Variants in PRELID2 observed in about 807,000 individuals in gnomAD.
PRELID2 encodes the protein PRELI domain containing 2, also known as PRELI domain-containing protein 2.
A neutral mutation model predicts 28.4 loss-of-function variants in PRELID2; 25 were observed. That is an observed-to-expected ratio of 0.88 (90% CI 0.64 to 1.23). PRELID2 has a LOEUF of 1.23. Among genes scored for constraint, PRELID2 ranks in the 50% most tolerant of loss-of-function variants. The pLI is 0.00. For synonymous variants in PRELID2, 76 were observed against 71.6 expected (o/e 1.06, Z -0.31); for missense variants, 201 against 214.4 (o/e 0.94, Z 0.39).
At chr5:145,686,848 ATT>A (rs1755047386) in intron 1 of PRELID2, among the ~76,000 whole-genome samples, 1 of 152,098 alleles carries the variant, frequency 6.6e-6, no homozygotes, top group South Asian at 2.1e-4. Context: ...CAAATAAAAA[ATT>A]TTTTCTTTAA....
the PRELID2 span, among the ~76,000 whole-genome samples, chr5:145,328,038 G>A: frequency 0.026 from 3,882 of 152,060 alleles, 159 homozygotes; most frequent in African/African-American, 0.088. Flanking sequence ...TGTGGTGTTT[G>A]GTTTTCTGTT....
chr5:145,475,500 A>T (rs942292908), intron 1 of PRELID2, among the ~76,000 whole-genome samples: 4 of 152,202 alleles, frequency 2.6e-5, no homozygotes, highest in African/African-American at 9.6e-5. Flanking sequence ...GCAAGATCTC[A>T]TTCTCAAACG....
intron 1 of PRELID2, among the ~76,000 whole-genome samples, chr5:145,595,770 G>T (rs377387381): frequency 2.0e-5 from 3 of 152,200 alleles, no homozygotes; most frequent in East Asian, 1.9e-4. Context: ...TGAATAAGTT[G>T]TTCAAGTACC....
chr5:145,414,410 T>C, the PRELID2 span, among the ~76,000 whole-genome samples: 3 of 152,228 alleles, frequency 2.0e-5, no homozygotes, highest in African/African-American at 7.2e-5. Flanking sequence ...ATCTGTCCCA[T>C]TGTCCAGCAT....
chr5:145,702,006 A>G (rs1755418635), intron 1 of PRELID2, among the ~76,000 whole-genome samples: 2 of 152,088 alleles, frequency 1.3e-5, no homozygotes, highest in Non-Finnish European at 2.9e-5. Flanking sequence ...AGCTGAGATC[A>G]TGCCATTGCA....
intron 1 of PRELID2, among the ~76,000 whole-genome samples, chr5:145,584,493 A>T (rs1753134899): frequency 6.6e-6 from 1 of 152,212 alleles, no homozygotes. Context: ...CAGAGTGAAC[A>T]GACAACCTAC....
intron 1 of PRELID2, among the ~76,000 whole-genome samples, chr5:145,543,267 A>C (rs1044649059): frequency 6.6e-6 from 1 of 152,162 alleles, no homozygotes; most frequent in Non-Finnish European, 1.5e-5. Context: ...AGTGCCTGCC[A>C]TATTGCCAGC....
the PRELID2 span, among the ~76,000 whole-genome samples, chr5:145,335,389 A>G: frequency 2.0e-5 from 3 of 151,804 alleles, no homozygotes; most frequent in African/African-American, 7.3e-5. Context: ...TGAGTTGTCT[A>G]TTTGTGTTCT....
chr5:145,544,609 G>T (rs544027872), intron 1 of PRELID2, among the ~76,000 whole-genome samples: 1 of 152,040 alleles, frequency 6.6e-6, no homozygotes, highest in Non-Finnish European at 1.5e-5. Context: ...AGTGTCTGAG[G>T]GACCAGCTGG....
intron 1 of PRELID2, among the ~76,000 whole-genome samples, chr5:145,569,079 C>A (rs542651224): frequency 6.6e-6 from 1 of 152,306 alleles, no homozygotes; most frequent in South Asian, 2.1e-4. Flanking sequence ...TCACCTAGAA[C>A]ATCAGATAGC....
the PRELID2 span, among the ~76,000 whole-genome samples, chr5:145,280,611 C>T: frequency 1.3e-5 from 2 of 151,794 alleles, no homozygotes; most frequent in African/African-American, 4.8e-5. Flanking sequence ...TGTAACTAAC[C>T]TGCACATTGT....
At chr5:145,370,835 CT>C in the PRELID2 span, among the ~76,000 whole-genome samples, 1 of 152,162 alleles carries the variant, frequency 6.6e-6, no homozygotes, top group Non-Finnish European at 1.5e-5. Flanking sequence ...TCCTTCACAT[CT>C]CTGTTAGCTG....
chr5:145,567,491 C>T (rs949465557), intron 1 of PRELID2, among the ~76,000 whole-genome samples: 1 of 152,168 alleles, frequency 6.6e-6, no homozygotes, highest in African/African-American at 2.4e-5. Flanking sequence ...GATTCTCCTG[C>T]CTCAGCCTCC....
At chr5:145,340,131 T>G in the PRELID2 span, among the ~76,000 whole-genome samples, 24 of 152,272 alleles carry the variant, frequency 1.6e-4, 1 homozygote, top group Middle Eastern at 3.4e-3. Flanking sequence ...TTTATCAGCC[T>G]GGTCCCATCC....
chr5:145,817,004 A>T (rs558799605), intron 4 of PRELID2, among the ~76,000 whole-genome samples: 122 of 151,020 alleles, frequency 8.1e-4, no homozygotes, highest in African/African-American at 2.9e-3. Flanking sequence ...TACGAAACAA[A>T]TTTTTTAATT....
intron 1 of PRELID2, among the ~76,000 whole-genome samples, chr5:145,477,533 GCAT>G (rs1752114071): frequency 6.6e-6 from 1 of 152,140 alleles, no homozygotes; most frequent in South Asian, 2.1e-4. Flanking sequence ...AAGAATGCAT[GCAT>G]AGGCCTAAGA....
At chr5:145,284,035 G>A in the PRELID2 span, among the ~76,000 whole-genome samples, 42 of 152,044 alleles carry the variant, frequency 2.8e-4, no homozygotes, top group Non-Finnish European at 3.8e-4. Context: ...TTTAAAATCC[G>A]GCTTACTGTT....
At chr5:145,740,175 G>C (rs1245659621) in intron 1 of PRELID2, among the ~76,000 whole-genome samples, 2 of 146,814 alleles carry the variant, frequency 1.4e-5, no homozygotes, top group Non-Finnish European at 3.0e-5. Context: ...AAGGAAGTAG[G>C]AGTGGCTATA....
the PRELID2 span, among the ~76,000 whole-genome samples, chr5:145,348,186 G>A: frequency 6.6e-6 from 1 of 152,068 alleles, no homozygotes; most frequent in African/African-American, 2.4e-5. Flanking sequence ...AAACACATTA[G>A]TGAATGTGGC....
Sources: gnomAD v4.1 joint callset for allele counts (sites outside exome capture counted in the v4.1 genomes callset) on GRCh38, gnomAD v4.1.1 for gene constraint, MANE v1.5 for transcripts, NCBI Gene and HGNC (gene_info 2026-07-23, HGNC 2026-07-21) for gene names.